Variants in CHRDL1 observed in about 807,000 individuals in gnomAD.
CHRDL1 encodes the protein chordin like 1.
Under a neutral mutation model 40.9 loss-of-function variants are expected in CHRDL1, and 19 were observed. The ratio of observed to expected loss-of-function variants is 0.46; its 90% CI spans 0.32 to 0.68. CHRDL1 has a LOEUF of 0.68. Among genes scored for constraint, CHRDL1 ranks in the 30% least tolerant of loss-of-function variants. The pLI, the probability that CHRDL1 is intolerant of heterozygous loss-of-function variation, is 0.03. For synonymous variants in CHRDL1, 136 were observed against 123.4 expected (o/e 1.10, Z -0.68); for missense variants, 329 against 352.1 (o/e 0.93, Z 0.53).
chrX:110,675,676 CGTGTGT>C lies in CHRDL1; in HGVS notation c.*549_*554del, dbSNP rs60116847. On this transcript the variant is annotated 3_prime_UTR_variant, in exon 12 of 12. Transcript: ENST00000372042. Reference sequence around the variant, plus strand: ...TTCGTTTAATGTGAGTGTGGACGTGCGTGTGTGTGTGTGTGTGTGTGTGTGTGTGTG... The same window carrying C: ...TTCGTTTAATGTGAGTGTGGACGTGCGTGTGTGTGTGTGTGTGTGTGTGTG... 0.46 allele frequency: 38,227 copies of C among 83,191 alleles called. 7,908 individuals are homozygous for C. The highest frequency in any genetic ancestry group is 0.68 in the African/African-American group (15,444 of 22,662). 6.9% of individuals were successfully genotyped at this position (83,191 alleles called of 1,213,427 possible). A position where few individuals can be genotyped will look rare whatever the true frequency, so the allele number is the denominator to read the frequency against.
chrX:110,766,605 T>C (rs924770846), intron 2 of CHRDL1, among the ~76,000 whole-genome samples: 2 of 111,266 alleles, frequency 1.8e-5, no homozygotes, highest in African/African-American at 6.5e-5. Flanking sequence ...ATGGATAAAT[T>C]CCTGGAAAAA....
At chrX:110,759,383 T>G (rs921132889) in intron 4 of CHRDL1, among the ~76,000 whole-genome samples, 6 of 112,129 alleles carry the variant, frequency 5.4e-5, no homozygotes, top group Non-Finnish European at 9.4e-5. Flanking sequence ...TAGCAGAAAA[T>G]CTCTGGGCCA....
chrX:110,714,610 C>T (rs963865722), intron 6 of CHRDL1, among the ~76,000 whole-genome samples: 12 of 111,293 alleles, frequency 1.1e-4, no homozygotes, highest in African/African-American at 1.6e-4. Flanking sequence ...ATTCTGCCAA[C>T]GCTCTCCTTG....
chrX:110,714,939 T>C (rs1345548683), intron 6 of CHRDL1, among the ~76,000 whole-genome samples: 1 of 111,665 alleles, frequency 9.0e-6, no homozygotes, highest in African/African-American at 3.3e-5. Flanking sequence ...AATAACTAGG[T>C]GCTTCAAAAG....
intron 7 of CHRDL1, among the ~76,000 whole-genome samples, chrX:110,695,512 A>T (rs2070368079): frequency 8.9e-6 from 1 of 112,446 alleles, no homozygotes; most frequent in African/African-American, 3.2e-5. Flanking sequence ...AGAAGATGAA[A>T]TGAATGAAGA....
At chrX:110,739,102 T>C (rs1358539050) in intron 4 of CHRDL1, among the ~76,000 whole-genome samples, 5 of 112,101 alleles carry the variant, frequency 4.5e-5, no homozygotes, top group African/African-American at 1.6e-4. Context: ...ATTGCATTTA[T>C]CTAAGGCCTC....
At chrX:110,792,532 A>AT (rs1240146385) in intron 1 of CHRDL1, among the ~76,000 whole-genome samples, 1 of 112,120 alleles carries the variant, frequency 8.9e-6, no homozygotes, top group South Asian at 3.7e-4. Context: ...TTCTCAAGAG[A>AT]TTTTTTTGGG....
intron 7 of CHRDL1, among the ~76,000 whole-genome samples, chrX:110,698,214 A>G (rs930804209): frequency 9.0e-6 from 1 of 111,294 alleles, no homozygotes; most frequent in African/African-American, 3.3e-5. Context: ...GGATATTCAG[A>G]AGGGATTCTC....
Position 110,676,257 on chromosome X carries a change from C to T in CHRDL1, c.1351G>A (p.Glu451Lys). 1 of 1,209,839 alleles carries T rather than the reference C, an allele frequency of 8.3e-7. No individual in the cohort carries two copies. Among genetic ancestry groups the T allele is most frequent in the Non-Finnish European group, 1.1e-6 (1 of 894,090 alleles). Residue 451 changes from glutamate (E) to lysine (K), a missense_variant, in exon 12 of 12, where the codon GAG becomes AAG. Physicochemically the swap from Glu to Lys is moderately conservative, Grantham distance 56. Coordinates refer to ENST00000372042, the MANE Select transcript of CHRDL1 (RefSeq NM_001143981.2). The stretch of plus-strand genomic sequence containing the variant: ...TAACAGTGGCCCTTTTCAGATCTCT[C>T]CAGGTACAAAACCTTGACTAAATCT... ...LEDLVKVLYL[E>K]RSEKGHC
At chrX:110,778,028 G>A (rs1040345049) in intron 2 of CHRDL1, among the ~76,000 whole-genome samples, 3 of 111,156 alleles carry the variant, frequency 2.7e-5, no homozygotes, top group African/African-American at 6.5e-5. Context: ...AATACGTAGT[G>A]TTAGGATAAC....
At chrX:110,679,462 A>G (rs2069849209) in intron 10 of CHRDL1, 37 bp from the exon 11 acceptor site, 1 of 947,179 alleles carries the variant, frequency 1.1e-6, no homozygotes, top group South Asian at 2.0e-5. Context: ...ATGGTCAGGC[A>G]CTCAATCTGG....
intron 4 of CHRDL1, among the ~76,000 whole-genome samples, chrX:110,756,061 C>G (rs941058071): frequency 8.9e-6 from 1 of 112,229 alleles, no homozygotes; most frequent in Non-Finnish European, 1.9e-5. Context: ...AAGCTATTTA[C>G]TCTTGTTTTA....
chrX:110,766,388 C>A (rs2089662472), intron 2 of CHRDL1, among the ~76,000 whole-genome samples: 1 of 110,902 alleles, frequency 9.0e-6, no homozygotes, highest in African/African-American at 3.3e-5. Context: ...AAAAAAGACA[C>A]AAAAGATAAG....
intron 6 of CHRDL1, among the ~76,000 whole-genome samples, chrX:110,706,721 A>C (rs2070647661): frequency 8.9e-6 from 1 of 112,224 alleles, no homozygotes; most frequent in Non-Finnish European, 1.9e-5. Flanking sequence ...ACCATACATC[A>C]TAAATAGGGT....
At chrX:110,678,101 A>T (rs964174347) in intron 11 of CHRDL1, among the ~76,000 whole-genome samples, 5 of 111,604 alleles carry the variant, frequency 4.5e-5, no homozygotes, top group Admixed American at 1.9e-4. Context: ...TAAAAAAATA[A>T]AAAAATAAAT....
intron 4 of CHRDL1, among the ~76,000 whole-genome samples, chrX:110,746,463 C>CTTA (rs2089255011): frequency 8.9e-6 from 1 of 111,796 alleles, no homozygotes; most frequent in Non-Finnish European, 1.9e-5. Flanking sequence ...TCAGCACTAC[C>CTTA]TTATGTTTCT....
Position 110,676,363 on chromosome X carries a change from TA to T in CHRDL1, c.1247-3del. ...CTTCGGTGAAGATCTTCCACTGGCCTAAAAGGCAAACAAACGCAAAGTGGCC... is the reference window on the plus strand; with the variant it reads ...CTTCGGTGAAGATCTTCCACTGGCCTAAAGGCAAACAAACGCAAAGTGGCC... On this transcript the variant is annotated splice_polypyrimidine_tract_variant and splice_region_variant and intron_variant, in intron 11 of 11. Transcript: ENST00000372042. 1 of 1,209,695 alleles carries T rather than the reference TA, an allele frequency of 8.3e-7. No individual in the cohort carries two copies. Among genetic ancestry groups the T allele is most frequent in the Non-Finnish European group, 1.1e-6 (1 of 894,520 alleles).
intron 4 of CHRDL1, among the ~76,000 whole-genome samples, chrX:110,722,112 C>T (rs1483317859): frequency 9.0e-6 from 1 of 110,921 alleles, no homozygotes; most frequent in African/African-American, 3.3e-5. Context: ...ATTCTCGTGC[C>T]TCAGCCTCCC....
chrX:110,753,156 A>G (rs1256387959), intron 4 of CHRDL1, among the ~76,000 whole-genome samples: 1 of 112,380 alleles, frequency 8.9e-6, no homozygotes, highest in African/African-American at 3.2e-5. Flanking sequence ...AACAACCCAA[A>G]TGACTACCAA....
Sources: gnomAD v4.1 joint callset for allele counts (sites outside exome capture counted in the v4.1 genomes callset) on GRCh38, gnomAD v4.1.1 for gene constraint, MANE v1.5 for transcripts, NCBI Gene and HGNC (gene_info 2026-07-23, HGNC 2026-07-21) for gene names.